C12orf42: variants seen among roughly 807,000 people sequenced by gnomAD.
C12orf42 encodes uncharacterized protein C12orf42.
A neutral mutation model predicts 21.6 loss-of-function variants in C12orf42; 25 were observed. The observed-to-expected ratio is 1.16, with a 90% CI of 0.84 to 1.62. The LOEUF (loss-of-function observed/expected upper bound fraction) is 1.62, where lower values mean the gene tolerates loss of function less well. C12orf42 is among the 40% of genes most tolerant of loss of function. C12orf42 has a pLI of 0.00. For missense variants in C12orf42, 483 were observed against 459.3 expected (o/e 1.05, Z -0.47); for synonymous variants, 174 against 175.0 (o/e 0.99, Z 0.05).
At chr12:103,055,107 C>T in the C12orf42 span, among the ~76,000 whole-genome samples, 27 of 151,948 alleles carry the variant, frequency 1.8e-4, no homozygotes, top group Admixed American at 1.8e-3. Context: ...GCATTCCTTT[C>T]TCTTCTATTT....
the C12orf42 span, among the ~76,000 whole-genome samples, chr12:103,077,085 A>G: frequency 6.6e-6 from 1 of 152,110 alleles, no homozygotes; most frequent in East Asian, 1.9e-4. Flanking sequence ...TTCTAGACCC[A>G]TTTTCTCTAT....
At chr12:103,217,779 T>G in the C12orf42 span, among the ~76,000 whole-genome samples, 1 of 152,100 alleles carries the variant, frequency 6.6e-6, no homozygotes, top group Non-Finnish European at 1.5e-5. Context: ...TTATATATAT[T>G]TGCTCACAGC....
the C12orf42 span, among the ~76,000 whole-genome samples, chr12:103,536,957 T>C: frequency 1.3e-5 from 2 of 152,186 alleles, no homozygotes; most frequent in Non-Finnish European, 2.9e-5. Flanking sequence ...ATTTGGCGAT[T>C]GTCTGTCTCT....
chr12:103,449,132 C>T (rs935186496), intron 2 of C12orf42, among the ~76,000 whole-genome samples: 2 of 141,202 alleles, frequency 1.4e-5, no homozygotes, highest in South Asian at 2.3e-4. Context: ...GATAGATAGA[C>T]AGACACCATG....
chr12:103,311,683 T>TA (rs772862911), intron 4 of C12orf42, among the ~76,000 whole-genome samples: 1 of 152,184 alleles, frequency 6.6e-6, no homozygotes, highest in Non-Finnish European at 1.5e-5. Context: ...GCCCATGACT[T>TA]AAAGTCCAGA....
chr12:103,452,879 G>A (rs903145835), intron 2 of C12orf42, among the ~76,000 whole-genome samples: 5 of 152,060 alleles, frequency 3.3e-5, no homozygotes, highest in African/African-American at 1.2e-4. Flanking sequence ...CCTGTCATGG[G>A]GTGGGGGGAG....
the C12orf42 span, among the ~76,000 whole-genome samples, chr12:103,198,638 A>T: frequency 6.6e-6 from 1 of 152,190 alleles, no homozygotes; most frequent in Non-Finnish European, 1.5e-5. Context: ...TCAAATGTCC[A>T]TGGGGTTCAT....
At chr12:103,449,173 AT>A (rs1412168615) in intron 2 of C12orf42, among the ~76,000 whole-genome samples, 6 of 152,122 alleles carry the variant, frequency 3.9e-5, no homozygotes, top group African/African-American at 1.2e-4. Context: ...AAGGAAAAAA[AT>A]AATGGCATTT....
At chr12:103,503,136 C>T in the C12orf42 span, among the ~76,000 whole-genome samples, 175 of 152,158 alleles carry the variant, frequency 1.2e-3, no homozygotes, top group African/African-American at 4.0e-3. Flanking sequence ...CTAAAGGATT[C>T]GACAAATTAA....
chr12:103,263,261 T>C (rs933778560), intron 10 of C12orf42: 1 of 151,988 alleles, frequency 6.6e-6, no homozygotes, highest in African/African-American at 2.4e-5. Flanking sequence ...GTATCAAATC[T>C]GCATGTTGTG....
the C12orf42 span, among the ~76,000 whole-genome samples, chr12:103,148,943 T>G: frequency 6.6e-6 from 1 of 152,226 alleles, no homozygotes; most frequent in Non-Finnish European, 1.5e-5. Flanking sequence ...ATAACATGTC[T>G]TGATACAAAT....
chr12:103,261,492 A>G (rs2034899308), intron 10 of C12orf42, among the ~76,000 whole-genome samples: 1 of 147,282 alleles, frequency 6.8e-6, no homozygotes, highest in African/African-American at 2.5e-5. Flanking sequence ...AAAAAAAAAA[A>G]AAAAAAGTAT....
intron 3 of C12orf42, among the ~76,000 whole-genome samples, chr12:103,396,229 G>A (rs1425193163): frequency 6.6e-6 from 1 of 151,968 alleles, no homozygotes; most frequent in Non-Finnish European, 1.5e-5. Flanking sequence ...CTGTTCTCAT[G>A]GTAGTGAGGG....
At chr12:103,334,574 A>G (rs1174562794) in intron 4 of C12orf42, among the ~76,000 whole-genome samples, 3 of 152,164 alleles carry the variant, frequency 2.0e-5, no homozygotes, top group Admixed American at 1.3e-4. Flanking sequence ...TTATTTTCAC[A>G]TACCATGTGA....
chr12:103,228,476 C>T, the C12orf42 span, among the ~76,000 whole-genome samples: 3 of 152,036 alleles, frequency 2.0e-5, no homozygotes, highest in Non-Finnish European at 4.4e-5. Flanking sequence ...TGTGATTCTT[C>T]AGTTACTTCA....
intron 2 of C12orf42, among the ~76,000 whole-genome samples, chr12:103,461,631 T>G (rs935054615): frequency 1.3e-5 from 2 of 152,212 alleles, no homozygotes; most frequent in South Asian, 4.1e-4. Flanking sequence ...ATCTAGAGAC[T>G]TGAATTCTTG....
intron 3 of C12orf42, among the ~76,000 whole-genome samples, chr12:103,371,634 T>C (rs1433999692): frequency 6.6e-6 from 1 of 152,138 alleles, no homozygotes; most frequent in Non-Finnish European, 1.5e-5. Flanking sequence ...AAGAGAGGGC[T>C]TGAGAGAAAG....
chr12:103,474,454 ATGTGTG>A (rs371887251), intron 2 of C12orf42, among the ~76,000 whole-genome samples: 3 of 149,282 alleles, frequency 2.0e-5, no homozygotes, highest in East Asian at 2.0e-4. Flanking sequence ...GTATGTATGT[ATGTGTG>A]TGTGTGTGTG....
At chr12:103,540,076 C>T in the C12orf42 span, among the ~76,000 whole-genome samples, 1 of 151,868 alleles carries the variant, frequency 6.6e-6, no homozygotes, top group African/African-American at 2.4e-5. Context: ...GTGGAGCAAT[C>T]AGCTCACTGC....
Sources: gnomAD v4.1 joint callset for allele counts (sites outside exome capture counted in the v4.1 genomes callset) on GRCh38, gnomAD v4.1.1 for gene constraint, MANE v1.5 for transcripts, NCBI Gene and HGNC (gene_info 2026-07-23, HGNC 2026-07-21) for gene names.